Variants in CNTNAP2 observed in about 807,000 individuals in gnomAD.
CNTNAP2 encodes the protein contactin associated protein 2, also known as contactin-associated protein-like 2.
Under a neutral mutation model 155.2 loss-of-function variants are expected in CNTNAP2, and 98 were observed. The observed-to-expected ratio is 0.63, with a 90% CI of 0.54 to 0.75. The LOEUF is 0.75. CNTNAP2 is among the 30% of genes least tolerant of loss of function. The pLI is 0.00. For synonymous variants in CNTNAP2, 651 were observed against 631.2 expected (o/e 1.03, Z -0.47); for missense variants, 1,727 against 1,688.1 (o/e 1.02, Z -0.40).
intron 1 of CNTNAP2, among the ~76,000 whole-genome samples, chr7:146,502,151 C>T (rs147666819): frequency 0.012 from 1,745 of 146,722 alleles, 10 homozygotes; most frequent in Non-Finnish European, 0.017. Context: ...TATTTCCATC[C>T]AAGTGGCTGC....
intron 1 of CNTNAP2, among the ~76,000 whole-genome samples, chr7:146,384,145 C>A (rs1795428672): frequency 6.6e-6 from 1 of 152,048 alleles, no homozygotes; most frequent in African/African-American, 2.4e-5. Flanking sequence ...TTAGAAAATA[C>A]CCAAAGAAAT....
intron 13 of CNTNAP2, among the ~76,000 whole-genome samples, chr7:147,796,362 TAATGAC>T (rs1462821155): frequency 6.6e-6 from 1 of 152,172 alleles, no homozygotes; most frequent in Non-Finnish European, 1.5e-5. Context: ...CTTTAATTAT[TAATGAC>T]AATTGAAGGA....
chr7:146,350,220 C>T (rs542520152), intron 1 of CNTNAP2, among the ~76,000 whole-genome samples: 136 of 152,168 alleles, frequency 8.9e-4, no homozygotes, highest in African/African-American at 3.2e-3. Context: ...TCATTCATTT[C>T]GTCTTCCATC....
intron 13 of CNTNAP2, among the ~76,000 whole-genome samples, chr7:147,852,281 T>A (rs118104701): frequency 0.044 from 6,729 of 152,260 alleles, 268 homozygotes; most frequent in Admixed American, 0.12. Flanking sequence ...AAGAATTTCT[T>A]TCCATCCACT....
chr7:146,427,044 A>T (rs368651631), intron 1 of CNTNAP2, among the ~76,000 whole-genome samples: 17 of 152,214 alleles, frequency 1.1e-4, no homozygotes, highest in African/African-American at 3.9e-4. Context: ...TAAAAAGAAA[A>T]CAAAAACTAT....
At chr7:146,870,891 G>A (rs1353290896) in intron 3 of CNTNAP2, among the ~76,000 whole-genome samples, 1 of 152,074 alleles carries the variant, frequency 6.6e-6, no homozygotes, top group African/African-American at 2.4e-5. Context: ...TAAGCTTATA[G>A]TAGGTGCTCA....
At chr7:148,392,237 C>CTAATT (rs1041775375) in intron 22 of CNTNAP2, among the ~76,000 whole-genome samples, 2 of 152,146 alleles carry the variant, frequency 1.3e-5, no homozygotes, top group African/African-American at 4.8e-5. Flanking sequence ...CCACACCCAG[C>CTAATT]TAATTTTTGT....
At chr7:147,441,171 C>T (rs1452320517) in intron 10 of CNTNAP2, among the ~76,000 whole-genome samples, 1 of 151,808 alleles carries the variant, frequency 6.6e-6, no homozygotes, top group Non-Finnish European at 1.5e-5. Flanking sequence ...CTTTTGTCTC[C>T]TCCGTGTATT....
chr7:147,889,489 T>C (rs2215798), intron 13 of CNTNAP2, among the ~76,000 whole-genome samples: 31,926 of 151,814 alleles, frequency 0.21, 4,076 homozygotes, highest in African/African-American at 0.37. Context: ...TTGATACGAA[T>C]GCAAATGAAA....
chr7:146,355,945 C>A (rs756218285), intron 1 of CNTNAP2, among the ~76,000 whole-genome samples: 2 of 151,966 alleles, frequency 1.3e-5, no homozygotes, highest in Non-Finnish European at 2.9e-5. Context: ...CATATTCTTA[C>A]ACATACAGCT....
intron 17 of CNTNAP2, among the ~76,000 whole-genome samples, chr7:148,150,844 A>G (rs1371739538): frequency 6.6e-6 from 1 of 151,976 alleles, no homozygotes; most frequent in Non-Finnish European, 1.5e-5. Flanking sequence ...CCCAGGCTCA[A>G]GGGATCCTCC....
intron 1 of CNTNAP2, among the ~76,000 whole-genome samples, chr7:146,133,915 A>G (rs967660044): frequency 2.6e-5 from 4 of 151,628 alleles, no homozygotes; most frequent in Non-Finnish European, 5.9e-5. Context: ...TTGGTTCCAT[A>G]TGAACTTTAA....
At chr7:146,658,705 T>C (rs763443464) in intron 1 of CNTNAP2, among the ~76,000 whole-genome samples, 6 of 152,164 alleles carry the variant, frequency 3.9e-5, no homozygotes, top group Non-Finnish European at 7.3e-5. Flanking sequence ...ATGAGTCAAA[T>C]GCTAAGTATA....
At chr7:146,970,749 A>G (rs1034598998) in intron 3 of CNTNAP2, among the ~76,000 whole-genome samples, 2 of 152,148 alleles carry the variant, frequency 1.3e-5, no homozygotes, top group African/African-American at 2.4e-5. Flanking sequence ...CTGCTATAAA[A>G]ACACATGCAC....
intron 8 of CNTNAP2, among the ~76,000 whole-genome samples, chr7:147,162,998 T>C (rs1049967851): frequency 6.6e-6 from 1 of 152,114 alleles, no homozygotes; most frequent in Admixed American, 6.6e-5. Context: ...CTCGTGGCGA[T>C]GATAAACATG....
At chr7:148,037,786 A>G (rs1802598073) in intron 15 of CNTNAP2, among the ~76,000 whole-genome samples, 1 of 152,148 alleles carries the variant, frequency 6.6e-6, no homozygotes, top group African/African-American at 2.4e-5. Flanking sequence ...ACATGTATGA[A>G]TAGGAAAAAA....
chr7:147,997,656 A>G (rs1036624235), intron 15 of CNTNAP2, among the ~76,000 whole-genome samples: 1 of 152,180 alleles, frequency 6.6e-6, no homozygotes. Flanking sequence ...TAAGTGCAGA[A>G]TAGACAGGAT....
intron 18 of CNTNAP2, among the ~76,000 whole-genome samples, chr7:148,194,458 C>T (rs1012830674): frequency 2.0e-5 from 3 of 151,964 alleles, no homozygotes; most frequent in Non-Finnish European, 4.4e-5. Flanking sequence ...AGCTCAGAAG[C>T]GATATTAGTC....
rs142146518 is a variant in CNTNAP2, at chr7:146,252,839, T to A, written c.97+135866T>A. 2.3e-3 allele frequency among the ~76,000 whole-genome samples: 347 copies of A among 152,280 alleles called. 3 individuals carry two copies. Among genetic ancestry groups the A allele is most frequent in the African/African-American group, 8.1e-3 (338 of 41,560 alleles). On this transcript the variant is annotated intron_variant, in intron 1 of 23. Transcript: ENST00000361727. ...ATTCAAACCACAGATATGATCCAGT[T>A]AATTTCCTTCTTAAAATGTGCCCAT...
Sources: gnomAD v4.1 joint callset for allele counts (sites outside exome capture counted in the v4.1 genomes callset) on GRCh38, gnomAD v4.1.1 for gene constraint, MANE v1.5 for transcripts, NCBI Gene and HGNC (gene_info 2026-07-23, HGNC 2026-07-21) for gene names.